Variants in GNPNAT1 observed in about 807,000 individuals in gnomAD.
GNPNAT1 encodes the protein glucosamine 6-phosphate N-acetyltransferase.
Under a neutral mutation model 19.8 loss-of-function variants are expected in GNPNAT1, and 11 were observed. The observed-to-expected ratio is 0.56, with a 90% CI of 0.35 to 0.92. GNPNAT1 has a LOEUF of 0.92. GNPNAT1 is among the 40% of genes least tolerant of loss of function. GNPNAT1 has a pLI of 0.01. For missense variants in GNPNAT1, 157 were observed against 211.0 expected (o/e 0.74, Z 1.59); for synonymous variants, 71 against 72.3 (o/e 0.98, Z 0.09).
At position 52,784,481 on chromosome 14, in the gene GNPNAT1, G is replaced by A. The variant is rs756252142; in HGVS notation, c.154+16C>T. The A allele has an allele frequency of 1.1e-5, 17 of 1,526,106 alleles. No homozygotes were observed. The South Asian group carries it at 1.8e-4, about 16-fold the overall frequency. 94.5% of individuals were successfully genotyped at this position (1,526,106 alleles called of 1,614,324 possible). ...GGAAGGCTAACTCTAATTTTACACA[G>A]GATTTTGTACATTACCTCTATTTAA... On this transcript the variant is annotated intron_variant, in intron 2 of 5. Transcript: ENST00000216410.
At position 52,778,273 on chromosome 14, in the gene GNPNAT1, G is replaced by C; in HGVS notation, c.*38C>G. On this transcript the variant is annotated 3_prime_UTR_variant, in exon 6 of 6. Transcript: ENST00000216410. ...TCAACTCTAGGAAGAGTGTAGCCTT[G>C]TAGCATTAGCCCCTTTGACAATTTT... 6.7e-7 allele frequency: 1 copy of C among 1,502,898 alleles called. No homozygotes were observed. The highest frequency in any genetic ancestry group is 9.0e-7 in the Non-Finnish European group (1 of 1,112,098). The allele number at this position is 1,502,898 out of a possible 1,614,324, so 93.1% of individuals were successfully genotyped here.
intron 1 of GNPNAT1, among the ~76,000 whole-genome samples, chr14:52,790,452 A>G (rs1883144223): frequency 6.6e-6 from 1 of 152,198 alleles, no homozygotes; most frequent in Admixed American, 6.5e-5. Flanking sequence ...GGCCATATTT[A>G]TTAAATTGTG....
rs1233455333 is a variant in GNPNAT1, at chr14:52,791,250, C to A, written c.-15+178G>T. Among the ~76,000 whole-genome samples the A allele has an allele frequency of 1.3e-5, 2 of 151,242 alleles. No homozygotes were observed. Among genetic ancestry groups the A allele is most frequent in the African/African-American group, 4.9e-5 (2 of 41,098 alleles). On this transcript the variant is annotated intron_variant, in intron 1 of 5. Coordinates refer to ENST00000216410, the MANE Select transcript of GNPNAT1 (RefSeq NM_198066.4). The surrounding 1 kb of genome is among the most constrained non-coding windows in gnomAD (Gnocchi z 4.1). ...CGTGCGTTCAACTTCCTGGGAACCG[C>A]GCTCCACACCATGTGCACCCAGCTG... is the stretch of plus-strand genomic sequence containing the variant.
At chr14:52,780,148 G>C (rs1230899573) in intron 5 of GNPNAT1, among the ~76,000 whole-genome samples, 5 of 152,162 alleles carry the variant, frequency 3.3e-5, no homozygotes, top group Admixed American at 2.6e-4. Flanking sequence ...CTGGGTGACA[G>C]AGCTGTCAAA....
intron 5 of GNPNAT1, among the ~76,000 whole-genome samples, chr14:52,778,991 G>A (rs1882812822): frequency 6.6e-6 from 1 of 151,884 alleles, no homozygotes. Context: ...ACTCCAGCCT[G>A]GGCAACAGAG....
At chr14:52,790,797 C>T (rs149964640) in intron 1 of GNPNAT1, among the ~76,000 whole-genome samples, 94 of 152,278 alleles carry the variant, frequency 6.2e-4, no homozygotes, top group African/African-American at 2.2e-3. Flanking sequence ...CTATAATCGC[C>T]CGTTCAATTT....
In GNPNAT1 at chr14:52,781,849, G is replaced by A; in HGVS notation, c.280C>T (p.Leu94=). 3 of 1,607,808 alleles carry A rather than the reference G, an allele frequency of 1.9e-6. No individual in the cohort carries two copies. The highest frequency in any genetic ancestry group is 2.5e-6 in the Non-Finnish European group (3 of 1,177,126). Residue 94 remains leucine (L), a synonymous_variant, in exon 4 of 6, where the codon CTA becomes TTA. Transcript: ENST00000216410. ...GTTGCCGTAGCAACAATCTGTCCTA[G>A]AGTCACATCTTCTACAACTGTAACA... ...YYVTVVEDVT[L]GQIVATATLI...
At chr14:52,780,371 A>G (rs1882863947) in intron 5 of GNPNAT1, among the ~76,000 whole-genome samples, 1 of 152,206 alleles carries the variant, frequency 6.6e-6, no homozygotes. Flanking sequence ...GTTTTTAAAT[A>G]TGACAGAGAA....
chr14:52,787,412 ACTT>A (rs1240094180), intron 1 of GNPNAT1, among the ~76,000 whole-genome samples: 1 of 152,156 alleles, frequency 6.6e-6, no homozygotes, highest in Non-Finnish European at 1.5e-5. Flanking sequence ...CTTGCTCAGC[ACTT>A]CTTATGTGCC....
intron 4 of GNPNAT1, among the ~76,000 whole-genome samples, 171 bp from the exon 5 acceptor site, chr14:52,780,911 C>T (rs1253315166): frequency 6.6e-6 from 1 of 152,072 alleles, no homozygotes; most frequent in East Asian, 1.9e-4. Context: ...TGTATTTCTA[C>T]AACTTATGAG....
intron 1 of GNPNAT1, among the ~76,000 whole-genome samples, chr14:52,790,603 T>C (rs1883148776): frequency 6.6e-6 from 1 of 152,210 alleles, no homozygotes; most frequent in Non-Finnish European, 1.5e-5. Context: ...AGTAAGTGAC[T>C]TGGGGCTAGA....
In GNPNAT1 at chr14:52,783,502, G is replaced by A; in HGVS notation, c.155-17C>T. The A allele has an allele frequency of 1.3e-6, 2 of 1,559,250 alleles. No homozygotes were observed. Among genetic ancestry groups the A allele is most frequent in the Non-Finnish European group, 1.8e-6 (2 of 1,131,146 alleles). ...TAAAAAAACCTAGTTTTGAAAAACA[G>A]ATTTCAAATTACGAGAATAGCAAAA... On this transcript the variant is annotated splice_polypyrimidine_tract_variant and intron_variant, in intron 2 of 5. Transcript: ENST00000216410.
chr14:52,785,973 A>G (rs1883007731), intron 1 of GNPNAT1, among the ~76,000 whole-genome samples: 1 of 148,728 alleles, frequency 6.7e-6, no homozygotes, highest in African/African-American at 2.5e-5. Flanking sequence ...CTGGTCTCAA[A>G]TTCCTGACCT....
At chr14:52,782,884 C>T (rs1414052823) in intron 3 of GNPNAT1, among the ~76,000 whole-genome samples, 2 of 151,842 alleles carry the variant, frequency 1.3e-5, no homozygotes, top group African/African-American at 2.4e-5. Flanking sequence ...AGTGGTAGAG[C>T]ACTGGACAGA....
At chr14:52,780,822 A>G (rs903620017) in intron 4 of GNPNAT1, 82 bp from the exon 5 acceptor site, 14 of 802,268 alleles carry the variant, frequency 1.7e-5, no homozygotes, top group African/African-American at 3.4e-5. Context: ...TTTACTGATA[A>G]TAAGTAGTAT....
At chr14:52,784,450 A>G in intron 2 of GNPNAT1, 47 bp downstream of exon 2, 1 of 1,433,192 alleles carries the variant, frequency 7.0e-7, no homozygotes, top group Non-Finnish European at 9.3e-7. Flanking sequence ...ATGTTTAGAG[A>G]AAAATGGAAG....
At chr14:52,788,331 G>A (rs904718790) in intron 1 of GNPNAT1, among the ~76,000 whole-genome samples, 1 of 151,062 alleles carries the variant, frequency 6.6e-6, no homozygotes, top group African/African-American at 2.4e-5. Context: ...ATGGGGCTTT[G>A]CCATGTTGGA....
At chr14:52,780,073 G>C (rs1882854452) in intron 5 of GNPNAT1, among the ~76,000 whole-genome samples, 1 of 152,094 alleles carries the variant, frequency 6.6e-6, no homozygotes, top group Admixed American at 6.5e-5. Flanking sequence ...GGGGGCTGAA[G>C]AGGATTGCTT....
chr14:52,783,007 G>C (rs1451753344), intron 3 of GNPNAT1, among the ~76,000 whole-genome samples: 1 of 151,902 alleles, frequency 6.6e-6, no homozygotes, highest in Non-Finnish European at 1.5e-5. Context: ...GGCAGGGGAC[G>C]GGTGGACTAA....
Sources: allele counts gnomAD v4.1 joint callset (sites outside exome capture counted in the v4.1 genomes callset), GRCh38; gene constraint gnomAD v4.1.1; non-coding constraint Gnocchi (gnomAD v3.1); transcripts MANE v1.5; gene names NCBI Gene and HGNC (gene_info 2026-07-23, HGNC 2026-07-21).